NCOR2: variants seen among roughly 807,000 people sequenced by gnomAD.
NCOR2 encodes CTG repeat protein 26.
In NCOR2, 81 loss-of-function variants were observed where a neutral mutation model predicts 262.9. The observed-to-expected ratio is 0.31, with a 90% CI of 0.26 to 0.37. NCOR2 has a LOEUF of 0.37. NCOR2 is among the 10% of genes least tolerant of loss of function. NCOR2 has a pLI of 1.00. For synonymous variants in NCOR2, 1,659 were observed against 1,559.3 expected (o/e 1.06, Z -1.51); for missense variants, 3,385 against 3,621.4 (o/e 0.93, Z 1.68).
At chr12:124,422,704 G>T in intron 11 of NCOR2, 149 bp from the exon 14 acceptor site, 136 of 711,438 alleles carry the variant, frequency 1.9e-4, no homozygotes, top group Non-Finnish European at 1.8e-4. Context: ...GGGGGTGTGG[G>T]AAGGGCTGCT....
intron 32 of NCOR2, among the ~76,000 whole-genome samples, chr12:124,344,281 G>A (rs1244086): frequency 0.98 from 149,749 of 152,330 alleles, 73,659 homozygotes; most frequent in Middle Eastern, 1. Context: ...TAGAAGGATG[G>A]AAGCAGGGAA....
rs1013954427 is a variant in NCOR2 at position 124,391,511 on chromosome 12, G to A, written c.1877-5624C>T. Among the ~76,000 whole-genome samples the A allele has an allele frequency of 1.6e-4, 24 of 151,956 alleles. 1 individual carries two copies. Among genetic ancestry groups the A allele is most frequent in the Non-Finnish European group, 2.8e-4 (19 of 67,958 alleles). On this transcript the variant is annotated intron_variant, in intron 16 of 46. Coordinates refer to ENST00000405201, the Ensembl canonical transcript of NCOR2. ...AAACCCCAAGCCCTGGCGGGGGGGGGGTTCCACAGGGACGGTGCCTCCGCA... is the reference window on the plus strand; with the variant it reads ...AAACCCCAAGCCCTGGCGGGGGGGGAGTTCCACAGGGACGGTGCCTCCGCA...
At chr12:124,555,091 G>C (rs1191496483) in intron 1 of NCOR2, among the ~76,000 whole-genome samples, 1 of 152,232 alleles carries the variant, frequency 6.6e-6, no homozygotes, top group South Asian at 2.1e-4. Context: ...TGTGTGTCCT[G>C]AGCCAATGAT....
intron 6 of NCOR2, among the ~76,000 whole-genome samples, chr12:124,456,206 G>A (rs1002264128): frequency 1.6e-4 from 25 of 152,198 alleles, no homozygotes; most frequent in African/African-American, 4.3e-4. Flanking sequence ...CACCCTGGGC[G>A]CACTCACACG....
intron 22 of NCOR2, among the ~76,000 whole-genome samples, chr12:124,358,114 C>CATGTGT (rs1566391326): frequency 2.4e-5 from 3 of 122,718 alleles, no homozygotes; most frequent in Non-Finnish European, 5.0e-5. Context: ...CACGTGCGTG[C>CATGTGT]GTGTGAGTGC....
chr12:124,342,053 C>T lies in NCOR2; in HGVS notation c.4958G>A (p.Arg1653Gln), dbSNP rs774193502. The change falls in exon 34 of 47, where the codon CGA becomes CAA. Residue 1653 changes from arginine to glutamine, a missense_variant. Arg to Gln is a conservative substitution (Grantham distance 43). Around this residue, in one of 5 missense-constraint regions of NCOR2, gnomAD observed 1,615 missense variants for 1,626.9 expected, o/e 0.99. Coordinates refer to ENST00000405201, the Ensembl canonical transcript of NCOR2. Reference sequence around the variant, plus strand: ...GTAGGTGGGGTTGGGGGCCAGGTGTCGGGGCAGGTAGTAGGCAGCGGCTGC... The same window carrying T: ...GTAGGTGGGGTTGGGGGCCAGGTGTTGGGGCAGGTAGTAGGCAGCGGCTGC... 2.1e-5 allele frequency: 34 copies of T among 1,610,420 alleles called. No individual in the cohort carries two copies. The highest frequency in any genetic ancestry group is 1.8e-4 in the East Asian group (8 of 44,828).
intron 13 of NCOR2, among the ~76,000 whole-genome samples, chr12:124,416,374 C>A (rs74923662): frequency 2.0e-5 from 3 of 152,198 alleles, no homozygotes; most frequent in Non-Finnish European, 2.9e-5. Context: ...CCTGAAGACA[C>A]GCGCTGTCTC....
rs2044949153 is a variant in NCOR2, at chr12:124,443,399, CA to C, written c.816-5404del. ...CACGCAAGAGGACACGTCAAGTCTG[CA>C]AACACATGTCAAGTCCGCAGGGTGC... On this transcript the variant is annotated intron_variant, in intron 7 of 46. Transcript: ENST00000405201. The surrounding 1 kb of genome is among the most constrained non-coding windows in gnomAD (Gnocchi z 4.4). Among the ~76,000 whole-genome samples the C allele has an allele frequency of 6.6e-6, 1 of 152,258 alleles. No individual in the cohort carries two copies. The highest frequency in any genetic ancestry group is 6.5e-5 in the Admixed American group (1 of 15,288).
In NCOR2 at chr12:124,420,050, C is replaced by T. The variant is rs2043125856; in HGVS notation, c.1389G>A (p.Val463=). The change falls in exon 13 of 47, where the codon GTG becomes GTA. Residue 463 remains valine (V), a synonymous_variant. Transcript: ENST00000405201. Reference sequence around the variant, plus strand: ...GGTAGTAATAGAGGACGCACTCAGCCACTGTCTGTGGGACAGAGAAAGAGG... The same window carrying T: ...GGTAGTAATAGAGGACGCACTCAGCTACTGTCTGTGGGACAGAGAAAGAGG... 9.9e-6 allele frequency: 16 copies of T among 1,612,462 alleles called. No individual in the cohort carries two copies. The East Asian group carries it at 3.6e-4, about 36-fold the overall frequency.
Position 124,343,554 on chromosome 12 carries a change from G to A in NCOR2, c.4715-328C>T, listed in dbSNP as rs1249190551. Among the ~76,000 whole-genome samples the A allele has an allele frequency of 5.3e-5, 8 of 152,146 alleles. No homozygotes were observed. The East Asian group carries it at 7.7e-4, about 15-fold the overall frequency. Reference sequence around the variant, plus strand: ...GCCCTCACAAGCTGACATTCAATGCGAGAGACAGGTGATAAACTAGCAAAC... The same window carrying A: ...GCCCTCACAAGCTGACATTCAATGCAAGAGACAGGTGATAAACTAGCAAAC... On this transcript the variant is annotated intron_variant, in intron 32 of 46. Coordinates refer to ENST00000405201, the Ensembl canonical transcript of NCOR2.
At chr12:124,492,715 G>A (rs1767160822) in intron 1 of NCOR2, among the ~76,000 whole-genome samples, 1 of 152,196 alleles carries the variant, frequency 6.6e-6, no homozygotes, top group Non-Finnish European at 1.5e-5. Context: ...CCTTTAAAAG[G>A]ACAGGAAGGG....
At chr12:124,557,399 G>T (rs928647387) in intron 1 of NCOR2, among the ~76,000 whole-genome samples, 7 of 152,198 alleles carry the variant, frequency 4.6e-5, no homozygotes, top group Admixed American at 2.0e-4. Flanking sequence ...AGCAGTCCCT[G>T]GCACTTCTTG....
Position 124,504,893 on chromosome 12 carries a change from G to A in NCOR2, c.-117-9525C>T, listed in dbSNP as rs891989232. Among the ~76,000 whole-genome samples the A allele has an allele frequency of 2.0e-5, 3 of 152,186 alleles. No homozygotes were observed. The highest frequency in any genetic ancestry group is 4.4e-5 in the Non-Finnish European group (3 of 68,040). On this transcript the variant is annotated intron_variant, in intron 1 of 46. Transcript: ENST00000404621. This position sits in a 1 kb window ranked among gnomAD's most constrained non-coding sequence, Gnocchi z 4.5. ...TGGGGAGGGAGGAGAGGGGAGTGAC[G>A]GTTTAATGGGTTTGGGGTTTCCTTC...
intron 27 of NCOR2, among the ~76,000 whole-genome samples, chr12:124,353,385 T>C (rs1047512192): frequency 3.3e-5 from 5 of 152,230 alleles, no homozygotes; most frequent in African/African-American, 1.2e-4. Context: ...TTTTAAAACC[T>C]GCAGATTTCA....
At chr12:124,469,477 G>A (rs992855315) in intron 4 of NCOR2, among the ~76,000 whole-genome samples, 4 of 152,180 alleles carry the variant, frequency 2.6e-5, no homozygotes, top group African/African-American at 4.8e-5. Flanking sequence ...CCCCGAAAGG[G>A]TGGGCAGGAG....
intron 7 of NCOR2, among the ~76,000 whole-genome samples, chr12:124,438,723 AG>A (rs2044539172): frequency 2.6e-5 from 4 of 151,980 alleles, no homozygotes; most frequent in Admixed American, 6.6e-5. Flanking sequence ...AGAGACCCAG[AG>A]AGACAGGGAA....
At chr12:124,434,279 C>G (rs1008711631) in intron 8 of NCOR2, among the ~76,000 whole-genome samples, 4 of 152,162 alleles carry the variant, frequency 2.6e-5, no homozygotes, top group Admixed American at 2.6e-4. Flanking sequence ...CCAAGCCCCC[C>G]TCCCCAGGCC....
intron 11 of NCOR2, among the ~76,000 whole-genome samples, chr12:124,426,221 G>A (rs1312233036): frequency 1.3e-5 from 2 of 152,342 alleles, no homozygotes; most frequent in East Asian, 3.9e-4. Context: ...CTTTCCAGAT[G>A]TAATTAGTTG....
At chr12:124,331,018 G>T in intron 43 of NCOR2, 120 bp from the exon 46 acceptor site, 4 of 991,224 alleles carry the variant, frequency 4.0e-6, no homozygotes, top group South Asian at 1.5e-5. Context: ...GTGCATTGCA[G>T]GTTCTCATGC....
Sources: gnomAD v4.1 joint callset for allele counts (sites outside exome capture counted in the v4.1 genomes callset) on GRCh38, gnomAD v4.1.1 for gene constraint, gnomAD v4.1.1 regional missense constraint, Gnocchi (gnomAD v3.1) non-coding constraint, MANE v1.5 for transcripts, NCBI Gene and HGNC (gene_info 2026-07-23, HGNC 2026-07-21) for gene names.